The following IFNLR1 variants were observed in gnomAD, a reference collection of about 807,000 sequenced individuals.
IFNLR1 encodes the protein interferon lambda receptor 1.
IFNLR1 carries 28 observed loss-of-function variants against 52.5 expected under a neutral mutation model. The ratio of observed to expected loss-of-function variants is 0.53; its 90% CI spans 0.40 to 0.73. IFNLR1 has a LOEUF of 0.73. IFNLR1 is among the 30% of genes least tolerant of loss of function. The probability of loss-of-function intolerance (pLI) is 0.00; values close to 1 mark genes in which losing one functional copy is unlikely to be tolerated. For synonymous variants in IFNLR1, 276 were observed against 274.9 expected, an observed-to-expected ratio of 1.00 and a Z score of -0.04; for missense variants, 623 against 659.1, an observed-to-expected ratio of 0.95 and a Z score of 0.60.
chr1:24,162,658 G>A (rs1644456160), intron 3 of IFNLR1, among the ~76,000 whole-genome samples: 1 of 152,228 alleles, frequency 6.6e-6, no homozygotes, highest in Non-Finnish European at 1.5e-5. Context: ...AAGGGCAAGA[G>A]AGGGTGAGAG....
chr1:24,175,093 A>T (rs1183161313), intron 2 of IFNLR1, among the ~76,000 whole-genome samples: 1 of 152,262 alleles, frequency 6.6e-6, no homozygotes, highest in East Asian at 1.9e-4. Flanking sequence ...TGGGATTCTA[A>T]AGAAAGGGAC....
chr1:24,173,007 C>T (rs1644596816), intron 2 of IFNLR1, among the ~76,000 whole-genome samples: 1 of 151,922 alleles, frequency 6.6e-6, no homozygotes, highest in African/African-American at 2.4e-5. Context: ...CTTAAAGGCT[C>T]ATCTCCAAAT....
At chr1:24,186,102 G>T (rs796479384) in intron 1 of IFNLR1, among the ~76,000 whole-genome samples, 2 of 152,052 alleles carry the variant, frequency 1.3e-5, no homozygotes, top group Non-Finnish European at 2.9e-5. Context: ...AGTGAAAGGG[G>T]AACAGAAGAC....
chr1:24,162,803 T>TC lies in IFNLR1; in HGVS notation c.368-1120_368-1119insG, dbSNP rs1557644056. ...TTTTCTTTCTTTTTCTTTCTTTCTT[T>TC]TTTCTTTCTTTTTTTCTTCTTTCTT... On this transcript the variant is annotated intron_variant, in intron 3 of 6. Transcript: ENST00000327535. Among the ~76,000 whole-genome samples the TC allele has an allele frequency of 1.3e-3, 105 of 79,094 alleles. 5 individuals are homozygous for TC. The highest frequency in any genetic ancestry group is 2.1e-3 in the Non-Finnish European group (79 of 38,032). The allele number at this position is 79,094 out of a possible 152,430, so 51.9% of individuals were successfully genotyped here.
At chr1:24,187,169 T>C (rs1186033921) in intron 1 of IFNLR1, 22 bp downstream of exon 1, 2 of 1,356,738 alleles carry the variant, frequency 1.5e-6, no homozygotes, top group Non-Finnish European at 1.9e-6. Flanking sequence ...TCCCCCTCCC[T>C]CCCGCGGCCC....
At chr1:24,165,015 G>A (rs763403121) in intron 3 of IFNLR1, among the ~76,000 whole-genome samples, 4 of 152,156 alleles carry the variant, frequency 2.6e-5, no homozygotes, top group Non-Finnish European at 5.9e-5. Flanking sequence ...TGCTCGCCTC[G>A]GACTCTCAAA....
At chr1:24,187,128 G>A (rs1364468597) in intron 1 of IFNLR1, 63 bp downstream of exon 1, 3 of 1,140,012 alleles carry the variant, frequency 2.6e-6, no homozygotes, top group South Asian at 3.5e-5. Flanking sequence ...CGGGTCCGAG[G>A]GTAGGCGCGG....
chr1:24,181,434 C>A (rs1440190411), intron 1 of IFNLR1, among the ~76,000 whole-genome samples: 2 of 152,198 alleles, frequency 1.3e-5, no homozygotes, highest in Non-Finnish European at 2.9e-5. Flanking sequence ...CTCCCCACTT[C>A]CCACCCATTC....
intron 2 of IFNLR1, 49 bp from the exon 3 acceptor site, chr1:24,169,650 G>A (rs1336831103): frequency 1.3e-6 from 2 of 1,556,666 alleles, no homozygotes; most frequent in South Asian, 1.2e-5. Flanking sequence ...GCCTCTCCGG[G>A]TCAGGGAACT....
chr1:24,180,880 G>T, intron 1 of IFNLR1, 26 bp from the exon 2 acceptor site: 1 of 1,608,542 alleles, frequency 6.2e-7, no homozygotes, highest in Non-Finnish European at 8.5e-7. Flanking sequence ...GGGTCATGAA[G>T]CCTGGAGCTC....
In IFNLR1 at chr1:24,161,544, T is replaced by C. The variant is rs1322476540; in HGVS notation, c.508A>G (p.Lys170Glu). 7 of 1,555,008 alleles carry C rather than the reference T, an allele frequency of 4.5e-6. No individual in the cohort carries two copies. The Admixed American group carries it at 7.8e-5, about 17-fold the overall frequency. Residue 170 changes from lysine to glutamate, a missense_variant and splice_region_variant, in exon 4 of 7, where the codon AAG becomes GAG. By Grantham distance (56) the Lys-to-Glu change is moderately conservative (BLOSUM62 1). Coordinates refer to ENST00000327535, the MANE Select transcript of IFNLR1 (RefSeq NM_170743.4). ...GGGGCAGGAAAGGAGCTTCCCACCT[T>C]GTTTCCGGCCCCCTCCTTCCAGAAT... ...VAFWKEGAGN[K>E]TLFPVTPHGQ...
In IFNLR1 at chr1:24,169,355, C is replaced by G. The variant is rs188539542; in HGVS notation, c.367+62G>C. 1.1e-5 allele frequency: 16 copies of G among 1,489,496 alleles called. No individual in the cohort carries two copies. The East Asian group carries it at 3.4e-4, about 32-fold the overall frequency. 92.3% of individuals were successfully genotyped at this position (1,489,496 alleles called of 1,614,324 possible). On this transcript the variant is annotated intron_variant, in intron 3 of 6. Coordinates refer to ENST00000327535, the MANE Select transcript of IFNLR1 (RefSeq NM_170743.4). ...GTCAGGAGAACAGAACCACTGAGCA[C>G]TGAGCACAGCTCCCCGATGGGATGG...
chr1:24,185,723 C>T lies in IFNLR1; in HGVS notation c.58+1468G>A, dbSNP rs371424689. 9.8e-5 allele frequency among the ~76,000 whole-genome samples: 15 copies of T among 152,344 alleles called. No individual in the cohort carries two copies. In the East Asian group the frequency reaches 2.9e-3, roughly 29 times the overall value. ...TGTCTGCAAGCCACTTGTAAGGTAT[C>T]CTATGGGCAGGACAGTCCCCAGATT... On this transcript the variant is annotated intron_variant, in intron 1 of 6. Transcript: ENST00000327535.
In IFNLR1 at chr1:24,157,779, G is replaced by A. The variant is rs145001756; in HGVS notation, c.914C>T (p.Thr305Met). 145 of 1,614,046 alleles carry A rather than the reference G, an allele frequency of 9.0e-5. No homozygotes were observed. Among genetic ancestry groups the A allele is most frequent in the South Asian group, 4.8e-4 (44 of 91,082 alleles). The change falls in exon 7 of 7, where the codon ACG becomes ATG. Residue 305 changes from threonine (T) to methionine (M), a missense_variant. Coordinates refer to ENST00000327535, the MANE Select transcript of IFNLR1 (RefSeq NM_170743.4). This position sits in a 1 kb window ranked among gnomAD's most constrained non-coding sequence, Gnocchi z 5.1. ...GGTGGCTGGGGCCCTGACTCGAGGC[G>A]TCGGCCTGACCCCTCTGGTCAGTTC... ...QKELTRGVRP[T>M]PRVRAPATQQ... is the part of the protein sequence containing the mutation.
intron 2 of IFNLR1, among the ~76,000 whole-genome samples, chr1:24,180,494 CTT>C (rs1465719974): frequency 6.6e-6 from 1 of 152,094 alleles, no homozygotes; most frequent in Admixed American, 6.5e-5. Flanking sequence ...TCCTCAAAGA[CTT>C]ACCCCCGCCC....
chr1:24,175,985 A>C (rs1644629004), intron 2 of IFNLR1, among the ~76,000 whole-genome samples: 1 of 151,608 alleles, frequency 6.6e-6, no homozygotes, highest in African/African-American at 2.4e-5. Flanking sequence ...GGGTGAATGT[A>C]TTTTGCATAT....
chr1:24,180,691 C>CCCCA, intron 2 of IFNLR1, 40 bp downstream of exon 2: 1 of 1,437,896 alleles, frequency 7.0e-7, no homozygotes, highest in East Asian at 2.6e-5. Context: ...CACCCACCCC[C>CCCCA]TCAGTCTTCC....
chr1:24,169,367 C>T, intron 3 of IFNLR1, 50 bp downstream of exon 3: 1 of 1,539,038 alleles, frequency 6.5e-7, no homozygotes, highest in Non-Finnish European at 8.9e-7. Flanking sequence ...GAGCACAGCT[C>T]CCCGATGGGA....
chr1:24,186,688 C>A (rs373448535), intron 1 of IFNLR1, among the ~76,000 whole-genome samples: 5 of 148,508 alleles, frequency 3.4e-5, no homozygotes, highest in Admixed American at 6.7e-5. Flanking sequence ...ACAACAACAA[C>A]AAAACAACAA....
Sources: gnomAD v4.1 joint callset for allele counts (sites outside exome capture counted in the v4.1 genomes callset) on GRCh38, gnomAD v4.1.1 for gene constraint, Gnocchi (gnomAD v3.1) non-coding constraint, MANE v1.5 for transcripts, NCBI Gene and HGNC (gene_info 2026-07-23, HGNC 2026-07-21) for gene names.